PKP2: variants seen among roughly 807,000 people sequenced by gnomAD.
PKP2 encodes plakophilin 2.
PKP2 carries 73 observed loss-of-function variants against 83.4 expected under a neutral mutation model. That is an observed-to-expected ratio of 0.88 (90% CI 0.72 to 1.06). The LOEUF (loss-of-function observed/expected upper bound fraction) is 1.06. PKP2 is among the 50% of genes least tolerant of loss of function. The probability of loss-of-function intolerance (pLI) is 0.00; values close to 1 mark genes in which losing one functional copy is unlikely to be tolerated. For synonymous variants in PKP2, 409 were observed against 430.4 expected, an observed-to-expected ratio of 0.95 and a Z score of 0.62; for missense variants, 966 against 1,065.4, an observed-to-expected ratio of 0.91 and a Z score of 1.30.
chr12:32,821,421 C>T lies in PKP2; in HGVS notation c.1948G>A (p.Val650Ile), dbSNP rs747525514. The part of the protein sequence containing the change: ...RMYLSLIAKS[V>I]RNYTQEASLG... ...GATGCTTCTTGTGTGTAGTTGCGGACACTTTTGGCGATCAAGGACAGATAC... is the reference window on the plus strand; with the variant it reads ...GATGCTTCTTGTGTGTAGTTGCGGATACTTTTGGCGATCAAGGACAGATAC... Residue 650 changes from valine (V) to isoleucine (I), a missense_variant, in exon 9 of 13, where the codon GTC becomes ATC. Physicochemically the swap from Val to Ile is conservative, Grantham distance 29. Transcript: ENST00000340811. 8 of 1,614,070 alleles carry T rather than the reference C, an allele frequency of 5.0e-6. No homozygotes were observed. In the Admixed American group the frequency reaches 8.3e-5, roughly 17 times the overall value.
intron 6 of PKP2, among the ~76,000 whole-genome samples, chr12:32,835,261 G>T (rs1956534719): frequency 6.6e-6 from 1 of 151,908 alleles, no homozygotes. Flanking sequence ...CACCATGTTG[G>T]GCAGGCTGCT....
chr12:32,792,815 C>G, intron 11 of PKP2, 84 bp from the exon 12 acceptor site: 1 of 1,025,980 alleles, frequency 9.7e-7, no homozygotes, highest in East Asian at 2.4e-5. Flanking sequence ...AAGACCTCTT[C>G]GCTCCTCAAC....
intron 9 of PKP2, among the ~76,000 whole-genome samples, chr12:32,811,621 C>T (rs1433763995): frequency 6.6e-6 from 1 of 152,186 alleles, no homozygotes; most frequent in African/African-American, 2.4e-5. Flanking sequence ...TTCACTGTGA[C>T]GTGGACAGAT....
At chr12:32,852,570 G>C (rs998637068) in intron 4 of PKP2, among the ~76,000 whole-genome samples, 5 of 152,164 alleles carry the variant, frequency 3.3e-5, no homozygotes, top group Admixed American at 2.6e-4. Context: ...TCAGTATAAT[G>C]TTAGGAGTTT....
At chr12:32,858,743 G>T (rs1165771563) in intron 4 of PKP2, among the ~76,000 whole-genome samples, 1 of 151,208 alleles carries the variant, frequency 6.6e-6, no homozygotes, top group Non-Finnish European at 1.5e-5. Context: ...AATAGGTAAA[G>T]AACTGTAAGT....
intron 9 of PKP2, among the ~76,000 whole-genome samples, chr12:32,816,851 G>A (rs566181352): frequency 8.5e-5 from 13 of 152,156 alleles, no homozygotes; most frequent in African/African-American, 1.7e-4. Flanking sequence ...GATGATGAGC[G>A]TTTTTTCATG....
intron 9 of PKP2, among the ~76,000 whole-genome samples, chr12:32,813,630 T>C (rs937500940): frequency 6.6e-6 from 1 of 151,576 alleles, no homozygotes; most frequent in African/African-American, 2.4e-5. Flanking sequence ...GATAAAAAAA[T>C]TTAGCTGGGT....
intron 1 of PKP2, among the ~76,000 whole-genome samples, chr12:32,882,231 G>C (rs1956992686): frequency 6.6e-6 from 1 of 152,152 alleles, no homozygotes; most frequent in South Asian, 2.1e-4. Context: ...ACTGAATTAG[G>C]AAAGTCAGGG....
chr12:32,794,036 A>G (rs1956099084), intron 11 of PKP2, among the ~76,000 whole-genome samples: 1 of 152,072 alleles, frequency 6.6e-6, no homozygotes, highest in Non-Finnish European at 1.5e-5. Flanking sequence ...CCCCCATATC[A>G]CAGGCATTTG....
intron 6 of PKP2, among the ~76,000 whole-genome samples, chr12:32,839,705 T>C (rs1379497989): frequency 6.6e-6 from 1 of 152,158 alleles, no homozygotes; most frequent in East Asian, 1.9e-4. Context: ...CTAATACATC[T>C]GCCATACTAA....
intron 4 of PKP2, among the ~76,000 whole-genome samples, chr12:32,868,704 G>A (rs1025635846): frequency 1.3e-5 from 2 of 152,048 alleles, no homozygotes; most frequent in Non-Finnish European, 2.9e-5. Flanking sequence ...TGTATTTTTA[G>A]TAGAGACAGG....
At chr12:32,873,719 G>A (rs1022017878) in intron 3 of PKP2, among the ~76,000 whole-genome samples, 13 of 151,946 alleles carry the variant, frequency 8.6e-5, no homozygotes, top group African/African-American at 2.4e-4. Flanking sequence ...TAGTAGAGAC[G>A]GGTTTTCACC....
At chr12:32,793,612 G>GTTTTTTT (rs1565571416) in intron 11 of PKP2, among the ~76,000 whole-genome samples, 1 of 94,312 alleles carries the variant, frequency 1.1e-5, no homozygotes, top group East Asian at 2.4e-4. Context: ...TTCATATTCT[G>GTTTTTTT]CTTTTTTTTT....
intron 4 of PKP2, among the ~76,000 whole-genome samples, chr12:32,852,879 C>T (rs962396866): frequency 2.0e-5 from 3 of 152,002 alleles, no homozygotes; most frequent in African/African-American, 7.3e-5. Context: ...GTCAGGAGTT[C>T]GAGACCAGCC....
At chr12:32,856,753 TAA>T (rs77784644) in intron 4 of PKP2, among the ~76,000 whole-genome samples, 1 of 139,422 alleles carries the variant, frequency 7.2e-6, no homozygotes, top group Admixed American at 7.2e-5. Context: ...AAAGTATAAT[TAA>T]AAAAAAAAAA....
chr12:32,871,325 C>G (rs574096621), intron 3 of PKP2, among the ~76,000 whole-genome samples: 1 of 152,072 alleles, frequency 6.6e-6, no homozygotes, highest in African/African-American at 2.4e-5. Context: ...AGAGACAGTC[C>G]TATTCTGTTT....
intron 10 of PKP2, 136 bp from the exon 11 acceptor site, chr12:32,796,434 GTGCAGTGGCA>G: frequency 1.3e-6 from 1 of 785,786 alleles, no homozygotes; most frequent in Non-Finnish European, 2.1e-6. Flanking sequence ...CCAGGCTGGA[GTGCAGTGGCA>G]CCATCTTGGC....
chr12:32,896,543 G>A lies in PKP2; in HGVS notation c.189C>T (p.Thr63=). ...CGGAGCTGCGGCCCTTCCGGGCGAG[G>A]GTCTGCTGCACCTGCTCCTGGATCC... ...SLRIQEQVQQ[T]LARKGRSSVG... is the part of the protein sequence containing the mutation. The change falls in exon 1 of 13, where the codon ACC becomes ACT. Residue 63 remains threonine, a synonymous_variant. Coordinates refer to ENST00000340811, the MANE Select transcript of PKP2 (RefSeq NM_001005242.3). 2 of 1,577,064 alleles carry A rather than the reference G, an allele frequency of 1.3e-6. No individual in the cohort carries two copies. The highest frequency in any genetic ancestry group is 1.1e-5 in the South Asian group (1 of 88,448).
At chr12:32,797,460 A>AAAAAAAAAAAAAAAAT (rs1956137212) in intron 10 of PKP2, among the ~76,000 whole-genome samples, 2 of 150,842 alleles carry the variant, frequency 1.3e-5, no homozygotes, top group Non-Finnish European at 1.5e-5. Context: ...AAAAAAAAAA[A>AAAAAAAAAAAAAAAAT]AAGAATACAT....
Sources: gnomAD v4.1 joint callset for allele counts (sites outside exome capture counted in the v4.1 genomes callset) on GRCh38, gnomAD v4.1.1 for gene constraint, MANE v1.5 for transcripts, NCBI Gene and HGNC (gene_info 2026-07-23, HGNC 2026-07-21) for gene names.